Variants in DZIP1 observed in about 807,000 individuals in gnomAD.
DZIP1 encodes the protein DAZ interacting zinc finger protein 1, also known as cilium assembly protein DZIP1.
A neutral mutation model predicts 107.6 loss-of-function variants in DZIP1; 97 were observed. That is an observed-to-expected ratio of 0.90 (90% CI 0.77 to 1.07). The LOEUF (loss-of-function observed/expected upper bound fraction) is 1.07, where lower values mean the gene tolerates loss of function less well. Ranked by LOEUF, DZIP1 falls within the 50% of genes least tolerant of loss-of-function variation. The pLI is 0.00. For synonymous variants in DZIP1, 390 were observed against 386.4 expected, an observed-to-expected ratio of 1.01 and a Z score of -0.11; for missense variants, 1,035 against 1,063.6, an observed-to-expected ratio of 0.97 and a Z score of 0.37.
chr13:95,616,326 C>A (rs1348677446), intron 10 of DZIP1, among the ~76,000 whole-genome samples: 1 of 152,200 alleles, frequency 6.6e-6, no homozygotes, highest in Non-Finnish European at 1.5e-5. Context: ...GGTAACCCTG[C>A]TCTTCTGAAC....
intron 14 of DZIP1, among the ~76,000 whole-genome samples, chr13:95,601,232 G>A (rs1339181290): frequency 6.6e-6 from 1 of 152,140 alleles, no homozygotes; most frequent in East Asian, 1.9e-4. Context: ...GGCTGGGGAA[G>A]TGAGGCTGGC....
chr13:95,617,409 C>G (rs1387547012), intron 10 of DZIP1, among the ~76,000 whole-genome samples: 1 of 152,088 alleles, frequency 6.6e-6, no homozygotes, highest in South Asian at 2.1e-4. Flanking sequence ...ATGACACTCT[C>G]AATGCAGCCT....
intron 14 of DZIP1, among the ~76,000 whole-genome samples, chr13:95,601,778 C>T (rs2044622822): frequency 6.6e-6 from 1 of 152,166 alleles, no homozygotes; most frequent in Admixed American, 6.5e-5. Context: ...TCTGACTTCT[C>T]CAAATGCCAC....
intron 13 of DZIP1, among the ~76,000 whole-genome samples, chr13:95,607,175 T>C (rs1035479736): frequency 1.3e-5 from 2 of 152,128 alleles, no homozygotes; most frequent in African/African-American, 4.8e-5. Flanking sequence ...GCCTCCTGAG[T>C]AACTGGGACT....
chr13:95,629,970 A>G lies in DZIP1; in HGVS notation c.810+19T>C. The stretch of plus-strand genomic sequence containing the variant: ...TACAGTTAATTGTAATTAAAATACC[A>G]CAGAATTCTGCCTGGTACCTTGGAG... On this transcript the variant is annotated intron_variant, in intron 7 of 22. Transcript: ENST00000376829. 1 of 1,581,094 alleles carries G rather than the reference A, an allele frequency of 6.3e-7. No individual in the cohort carries two copies. The highest frequency in any genetic ancestry group is 8.6e-7 in the Non-Finnish European group (1 of 1,166,302).
chr13:95,636,224 A>G (rs1877797797), intron 5 of DZIP1, among the ~76,000 whole-genome samples: 1 of 151,504 alleles, frequency 6.6e-6, no homozygotes, highest in Non-Finnish European at 1.5e-5. Flanking sequence ...CTGAAACATC[A>G]TTGCAGAACA....
In DZIP1 at chr13:95,605,851, T is replaced by C. The variant is rs897778939; in HGVS notation, c.1477+152A>G. 10 of 714,818 alleles carry C rather than the reference T, an allele frequency of 1.4e-5. No individual in the cohort carries two copies. The African/African-American group carries it at 1.4e-4, about 10-fold the overall frequency. 44.3% of individuals were successfully genotyped at this position (714,818 alleles called of 1,614,324 possible). ...GTCCAGTTTACAACAATATTACACA[T>C]GAAGACTGCAGTTTTAATAACTGTT... On this transcript the variant is annotated intron_variant, in intron 14 of 22. Coordinates refer to ENST00000376829, the MANE Select transcript of DZIP1 (RefSeq NM_198968.4).
At chr13:95,633,678 CAAA>C (rs567298033) in intron 5 of DZIP1, among the ~76,000 whole-genome samples, 191 of 71,160 alleles carry the variant, frequency 2.7e-3, no homozygotes, top group South Asian at 0.013. Context: ...GACTCCATCT[CAAA>C]AAAAAAAAAA....
At chr13:95,640,587 T>G (rs1243558997) in intron 5 of DZIP1, among the ~76,000 whole-genome samples, 1 of 152,218 alleles carries the variant, frequency 6.6e-6, no homozygotes, top group African/African-American at 2.4e-5. Context: ...AATACATTGG[T>G]TTATGTTATA....
intron 15 of DZIP1, among the ~76,000 whole-genome samples, chr13:95,598,087 A>C (rs2044509449): frequency 6.6e-6 from 1 of 152,202 alleles, no homozygotes; most frequent in South Asian, 2.1e-4. Flanking sequence ...AGTACCCCAA[A>C]ATTTCCCTCA....
At chr13:95,587,939 C>CA (rs2044208119) in intron 19 of DZIP1, 1 of 494,092 alleles carries the variant, frequency 2.0e-6, no homozygotes, top group African/African-American at 1.9e-5. Context: ...CTCTGCCAGC[C>CA]ACGGGGCATG....
intron 10 of DZIP1, 27 bp from the exon 11 acceptor site, chr13:95,612,204 A>G (rs372019009): frequency 1.2e-6 from 2 of 1,600,206 alleles, no homozygotes; most frequent in Non-Finnish European, 1.7e-6. Context: ...AAAGGCATCC[A>G]TCTGTAAGCT....
At chr13:95,594,246 G>C (rs2044384366) in intron 15 of DZIP1, among the ~76,000 whole-genome samples, 160 bp from the exon 16 acceptor site, 1 of 152,142 alleles carries the variant, frequency 6.6e-6, no homozygotes, top group African/African-American at 2.4e-5. Flanking sequence ...AATACAGAAT[G>C]CTTAAGTTAT....
chr13:95,594,171 C>A, intron 15 of DZIP1, 85 bp from the exon 16 acceptor site: 1 of 1,101,124 alleles, frequency 9.1e-7, no homozygotes. Flanking sequence ...CAAACCACAG[C>A]TTTTAAGCAG....
intron 9 of DZIP1, 92 bp downstream of exon 9, chr13:95,622,251 C>A: frequency 6.5e-7 from 1 of 1,538,218 alleles, no homozygotes; most frequent in Non-Finnish European, 8.9e-7. Context: ...CTAAAAAAGA[C>A]AAACACTTTT....
Position 95,584,751 on chromosome 13 carries a change from C to G in DZIP1, c.2509G>C (p.Gly837Arg), listed in dbSNP as rs1352855169. The part of the protein sequence containing the change: ...LNAWGAFNPK[G>R]PKGEGLQENE... ...AGCAGCAAACCTTCTCCCTTTGGCC[C>G]CTTAGGATTAAATGCGCCCCAGGCA... Residue 837 changes from glycine (G) to arginine (R), a missense_variant, in exon 22 of 23, where the codon GGG (glycine) becomes CGG (arginine). Gly to Arg is a moderately radical substitution (Grantham distance 125, BLOSUM62 -2). Transcript: ENST00000376829. 1.9e-6 allele frequency: 3 copies of G among 1,613,206 alleles called. No homozygotes were observed. Among genetic ancestry groups the G allele is most frequent in the Non-Finnish European group, 2.5e-6 (3 of 1,179,648 alleles).
At chr13:95,582,535 A>AG (rs1243000470) in intron 22 of DZIP1, among the ~76,000 whole-genome samples, 8 of 152,154 alleles carry the variant, frequency 5.3e-5, no homozygotes, top group African/African-American at 1.9e-4. Flanking sequence ...GGACCCTTGG[A>AG]TGCAAGCTTC....
At chr13:95,644,235 G>C (rs1237518177) in intron 1 of DZIP1, 142 bp downstream of exon 1, 2 of 152,408 alleles carry the variant, frequency 1.3e-5, no homozygotes, top group South Asian at 2.1e-4. Flanking sequence ...ACAGGCAGTG[G>C]GGGCAGCGGC....
chr13:95,599,035 G>A (rs2044538460), intron 15 of DZIP1, among the ~76,000 whole-genome samples: 1 of 152,026 alleles, frequency 6.6e-6, no homozygotes, highest in Non-Finnish European at 1.5e-5. Flanking sequence ...CAGATCTTCT[G>A]GTACACAACA....
Sources: gnomAD v4.1 joint callset for allele counts (sites outside exome capture counted in the v4.1 genomes callset) on GRCh38, gnomAD v4.1.1 for gene constraint, MANE v1.5 for transcripts, NCBI Gene and HGNC (gene_info 2026-07-23, HGNC 2026-07-21) for gene names.